ROBO1: variants seen among roughly 807,000 people sequenced by gnomAD.
ROBO1 encodes roundabout guidance receptor 1, also known as roundabout homolog 1.
A neutral mutation model predicts 195.9 loss-of-function variants in ROBO1; 149 were observed. The observed-to-expected ratio is 0.76, with a 90% confidence interval of 0.67 to 0.87. The LOEUF (loss-of-function observed/expected upper bound fraction) is 0.87. ROBO1 is among the 40% of genes least tolerant of loss of function. The probability of loss-of-function intolerance (pLI) is 0.00; values close to 1 mark genes in which losing one functional copy is unlikely to be tolerated. For synonymous variants in ROBO1, 816 were observed against 733.2 expected (o/e 1.11, Z -1.82); for missense variants, 1,933 against 2,068.3 (o/e 0.93, Z 1.27).
chr3:79,015,755 C>T (rs1466388251), intron 3 of ROBO1, among the ~76,000 whole-genome samples: 1 of 152,062 alleles, frequency 6.6e-6, no homozygotes, highest in Non-Finnish European at 1.5e-5. Context: ...TTTGTAGCAT[C>T]AAGTTAATAG....
chr3:78,717,170 G>A, intron 7 of ROBO1, 105 bp downstream of exon 7: 2 of 1,207,314 alleles, frequency 1.7e-6, no homozygotes, highest in Non-Finnish European at 2.3e-6. Flanking sequence ...CCCTGATAGA[G>A]GATTCTAGAA....
At chr3:79,115,027 A>G (rs1005822157) in intron 3 of ROBO1, among the ~76,000 whole-genome samples, 13 of 152,188 alleles carry the variant, frequency 8.5e-5, no homozygotes, top group African/African-American at 3.1e-4. Flanking sequence ...AAAATAATCA[A>G]TAATTAATCT....
chr3:78,992,009 C>T (rs538148812), intron 3 of ROBO1, among the ~76,000 whole-genome samples: 1 of 152,116 alleles, frequency 6.6e-6, no homozygotes, highest in East Asian at 1.9e-4. Context: ...AAAAGTATGA[C>T]TACATTTTAA....
chr3:78,600,864 A>G (rs1559630112), intron 29 of ROBO1, among the ~76,000 whole-genome samples: 1 of 152,168 alleles, frequency 6.6e-6, no homozygotes, highest in Non-Finnish European at 1.5e-5. Flanking sequence ...AGAAATATCA[A>G]ACAGAACCAA....
intron 3 of ROBO1, among the ~76,000 whole-genome samples, chr3:79,023,873 T>C (rs575504541): frequency 1.3e-5 from 2 of 151,228 alleles, no homozygotes; most frequent in Non-Finnish European, 3.0e-5. Context: ...CCGGCTATTT[T>C]TTTTTTTTTT....
At chr3:79,438,800 A>AT (rs2038966246) in intron 2 of ROBO1, among the ~76,000 whole-genome samples, 1 of 151,928 alleles carries the variant, frequency 6.6e-6, no homozygotes, top group African/African-American at 2.4e-5. Flanking sequence ...GGTCATTTTT[A>AT]TTTTTTCTTT....
intron 2 of ROBO1, among the ~76,000 whole-genome samples, chr3:79,572,167 G>C (rs976656252): frequency 1.3e-5 from 2 of 151,702 alleles, no homozygotes. Flanking sequence ...AATAATAAAA[G>C]AAAAATTTAT....
intron 5 of ROBO1, among the ~76,000 whole-genome samples, chr3:78,733,069 G>C (rs969749087): frequency 7.2e-5 from 11 of 152,128 alleles, no homozygotes; most frequent in Non-Finnish European, 1.5e-4. Context: ...TTTGGTTAAA[G>C]CAACTAACCT....
At chr3:78,882,266 G>T (rs1461444298) in intron 4 of ROBO1, among the ~76,000 whole-genome samples, 1 of 152,122 alleles carries the variant, frequency 6.6e-6, no homozygotes, top group East Asian at 1.9e-4. Flanking sequence ...GATTGTAATT[G>T]TAAAAGGCGT....
At chr3:79,409,517 G>A (rs2037682282) in intron 2 of ROBO1, among the ~76,000 whole-genome samples, 1 of 152,138 alleles carries the variant, frequency 6.6e-6, no homozygotes, top group African/African-American at 2.4e-5. Context: ...AATATGAGCT[G>A]TCCATCATAA....
At chr3:78,896,658 C>CAAAAA (rs142287501) in intron 4 of ROBO1, among the ~76,000 whole-genome samples, 711 of 64,148 alleles carry the variant, frequency 0.011, 2 homozygotes, top group East Asian at 0.022. Flanking sequence ...TTGTTGCTCA[C>CAAAAA]AAAAAAAAAA....
At chr3:78,717,516 C>T (rs1012972077) in intron 6 of ROBO1, 103 bp from the exon 7 acceptor site, 7 of 1,115,662 alleles carry the variant, frequency 6.3e-6, no homozygotes, top group African/African-American at 3.1e-5. Flanking sequence ...AAAATATCAG[C>T]GAGGAAATTA....
At position 79,767,946 on chromosome 3, in the gene ROBO1, C is replaced by A. The variant is rs1434931474; in HGVS notation, c.-245G>T. The A allele has an allele frequency of 6.6e-6, 1 of 152,186 alleles. No individual in the cohort carries two copies. The highest frequency in any genetic ancestry group is 1.5e-5 in the Non-Finnish European group (1 of 68,052). 9.4% of individuals were successfully genotyped at this position (152,186 alleles called of 1,614,324 possible). ...TATCAGCACCCTGGAAAAATTCAAT[C>A]CTTCTTCAGTAGAGAATTCTTTCAA... On this transcript the variant is annotated 5_prime_UTR_variant, in exon 1 of 31. Transcript: ENST00000464233.
At chr3:78,708,263 A>G (rs1047719588) in intron 8 of ROBO1, among the ~76,000 whole-genome samples, 15 of 152,174 alleles carry the variant, frequency 9.9e-5, no homozygotes, top group African/African-American at 3.6e-4. Context: ...TTTATCACCT[A>G]TCTTTCGTTT....
At chr3:79,518,957 G>A (rs2107570114) in intron 2 of ROBO1, among the ~76,000 whole-genome samples, 1 of 152,148 alleles carries the variant, frequency 6.6e-6, no homozygotes. Flanking sequence ...TGGGATTACA[G>A]GTGTGAGCCA....
chr3:79,615,964 G>A (rs1482968918), intron 1 of ROBO1, among the ~76,000 whole-genome samples: 1 of 152,196 alleles, frequency 6.6e-6, no homozygotes. Context: ...ATTGCAGCAA[G>A]AGTCTAGCAG....
At chr3:78,912,504 C>G (rs2038305115) in intron 4 of ROBO1, among the ~76,000 whole-genome samples, 1 of 152,096 alleles carries the variant, frequency 6.6e-6, no homozygotes, top group African/African-American at 2.4e-5. Context: ...TGCATGCTGC[C>G]TACCATTAAA....
intron 10 of ROBO1, among the ~76,000 whole-genome samples, chr3:78,679,036 A>C (rs2080817117): frequency 6.6e-6 from 1 of 152,214 alleles, no homozygotes; most frequent in African/African-American, 2.4e-5. Flanking sequence ...CAAATCAATA[A>C]ATGTAATCCA....
At chr3:78,911,072 A>G (rs1262571373) in intron 4 of ROBO1, among the ~76,000 whole-genome samples, 1 of 152,048 alleles carries the variant, frequency 6.6e-6, no homozygotes, top group East Asian at 1.9e-4. Flanking sequence ...TAACCTGAGG[A>G]GAAAATTAAG....
Sources: gnomAD v4.1 joint callset for allele counts (sites outside exome capture counted in the v4.1 genomes callset) on GRCh38, gnomAD v4.1.1 for gene constraint, MANE v1.5 for transcripts, NCBI Gene and HGNC (gene_info 2026-07-23, HGNC 2026-07-21) for gene names.